The following SHFL variants were observed in gnomAD, a reference collection of about 807,000 sequenced individuals.
SHFL encodes the protein shiftless antiviral inhibitor of ribosomal frameshifting protein.
A neutral mutation model predicts 34.7 loss-of-function variants in SHFL; 12 were observed. The ratio of observed to expected loss-of-function variants is 0.35; its 90% CI spans 0.22 to 0.56. SHFL has a LOEUF of 0.56. SHFL is among the 20% of genes least tolerant of loss of function. The pLI is 0.88. For synonymous variants in SHFL, 148 were observed against 156.0 expected, an observed-to-expected ratio of 0.95 and a Z score of 0.38; for missense variants, 278 against 411.1, an observed-to-expected ratio of 0.68 and a Z score of 2.80.
chr19:10,091,222 T>C lies in SHFL; in HGVS notation c.385-28T>C. On this transcript the variant is annotated intron_variant, in intron 5 of 7. Coordinates refer to ENST00000253110, the MANE Select transcript of SHFL (RefSeq NM_018381.4). This position sits in a 1 kb window ranked among gnomAD's most constrained non-coding sequence, Gnocchi z 8.2. ...ACCTCTGACAATCCTTGGTCCCCTC[T>C]CTGTACCTTCCTGCCCACCACCACC... The C allele has an allele frequency of 6.2e-7, 1 of 1,601,680 alleles. No individual in the cohort carries two copies. The highest frequency in any genetic ancestry group is 8.5e-7 in the Non-Finnish European group (1 of 1,170,544).
At chr19:10,090,635 G>T (rs1599276313) in intron 5 of SHFL, among the ~76,000 whole-genome samples, 2 of 151,876 alleles carry the variant, frequency 1.3e-5, no homozygotes, top group Middle Eastern at 6.8e-3. Flanking sequence ...TGGAGATGGG[G>T]TTTTGCCATG....
At position 10,092,521 on chromosome 19, in the gene SHFL, T is replaced by G; in HGVS notation, c.*219T>G. The G allele has an allele frequency of 6.5e-7, 1 of 1,538,514 alleles. No homozygotes were observed. ...TTGGCACTGAGCCACAAAGAAGGTGTGGCCAGAACAACTTGGGCTCCTGCT... is the reference window on the plus strand; with the variant it reads ...TTGGCACTGAGCCACAAAGAAGGTGGGGCCAGAACAACTTGGGCTCCTGCT... On this transcript the variant is annotated 3_prime_UTR_variant, in exon 8 of 8. Transcript: ENST00000253110.
chr19:10,087,331 G>C (rs1374033205), intron 3 of SHFL, 31 bp downstream of exon 3: 6 of 1,613,614 alleles, frequency 3.7e-6, no homozygotes, highest in African/African-American at 1.3e-5. Context: ...GCAAAGGACC[G>C]GGTCACGGGA....
chr19:10,092,002 A>G, intron 7 of SHFL, 68 bp from the exon 8 acceptor site: 2 of 1,599,826 alleles, frequency 1.3e-6, no homozygotes, highest in Admixed American at 1.8e-5. Context: ...CGCGTGGCCT[A>G]AGTCCCCTCC....
rs1241626185 is a variant in SHFL, at chr19:10,089,526, G to A, written c.196-131G>A. 4.3e-6 allele frequency: 6 copies of A among 1,379,590 alleles called. No individual in the cohort carries two copies. The East Asian group carries it at 1.2e-4, about 28-fold the overall frequency. The allele number at this position is 1,379,590 out of a possible 1,614,324, so 85.5% of individuals were successfully genotyped here. A position where few individuals can be genotyped will look rare whatever the true frequency, so the allele number is the denominator to read the frequency against. ...GCCACACACCTGGCTCTCAATAAGT[G>A]AGTGGTGCTCTGTGAGCTTCTGGCG... is the stretch of plus-strand genomic sequence containing the variant. On this transcript the variant is annotated intron_variant, in intron 3 of 7. Transcript: ENST00000253110.
chr19:10,089,376 G>A, intron 3 of SHFL: 2 of 1,598,684 alleles, frequency 1.3e-6, no homozygotes, highest in Non-Finnish European at 1.7e-6. Flanking sequence ...TTGCAGGCAG[G>A]AAGTGAGTAT....
chr19:10,087,085 G>A (rs907169504), intron 2 of SHFL, 33 bp downstream of exon 2: 4 of 1,601,876 alleles, frequency 2.5e-6, no homozygotes, highest in Non-Finnish European at 3.4e-6. Context: ...CCTGGTGCGG[G>A]GACCGCGCGT....
chr19:10,086,463 C>A lies in SHFL; in HGVS notation c.21+15C>A, dbSNP rs2088285243. ...AAGGTGTGGAGGTAAGCGATGGCTA[C>A]GGCTGGGCCGGGGTCAGCCGCGACA... On this transcript the variant is annotated intron_variant, in intron 1 of 7. Coordinates refer to ENST00000253110, the MANE Select transcript of SHFL (RefSeq NM_018381.4). This position sits in a 1 kb window ranked among gnomAD's most constrained non-coding sequence, Gnocchi z 5.2. The A allele has an allele frequency of 2.2e-6, 3 of 1,372,500 alleles. No individual in the cohort carries two copies. Among genetic ancestry groups the A allele is most frequent in the Non-Finnish European group, 2.8e-6 (3 of 1,056,684 alleles). The allele number at this position is 1,372,500 out of a possible 1,614,324, so 85.0% of individuals were successfully genotyped here. A position where few individuals can be genotyped will look rare whatever the true frequency, so the allele number is the denominator to read the frequency against.
chr19:10,089,156 C>A, intron 3 of SHFL: 1 of 692,492 alleles, frequency 1.4e-6, no homozygotes, highest in Non-Finnish European at 2.5e-6. Flanking sequence ...GCAGGGGCAG[C>A]TGCGATTTGA....
rs1192471027 is a variant in SHFL, at chr19:10,091,570, C to T, written c.583C>T (p.Pro195Ser). ...RILPPRWDRD[P>S]DRRSTHTHSC... ...CCTCCCCCCGCGCTGGGACCGGGAC[C>T]CGGATCGCCGCAGCACCCACACTCA... The change falls in exon 7 of 8, where the codon CCG becomes TCG. Residue 195 changes from proline to serine, a missense_variant. By Grantham distance (74) the Pro-to-Ser change is moderately conservative. Around this residue, in one of 2 missense-constraint regions of SHFL, gnomAD observed 243 missense variants for 386.2 expected, o/e 0.63. Coordinates refer to ENST00000253110, the MANE Select transcript of SHFL (RefSeq NM_018381.4). This position sits in a 1 kb window ranked among gnomAD's most constrained non-coding sequence, Gnocchi z 8.2. The T allele has an allele frequency of 2.6e-6, 4 of 1,551,460 alleles. No individual in the cohort carries two copies. Among genetic ancestry groups the T allele is most frequent in the South Asian group, 2.4e-5 (2 of 84,050 alleles).
chr19:10,089,221 C>T (rs1286991150), intron 3 of SHFL: 1 of 1,330,018 alleles, frequency 7.5e-7, no homozygotes, highest in Admixed American at 2.0e-5. Flanking sequence ...CAGTGGGAAC[C>T]CAGGGGGCAG....
Position 10,091,298 on chromosome 19 carries a change from G to C in SHFL, c.433G>C (p.Asp145His). 2 of 1,613,936 alleles carry C rather than the reference G, an allele frequency of 1.2e-6. No homozygotes were observed. The highest frequency in any genetic ancestry group is 1.7e-6 in the Non-Finnish European group (2 of 1,179,848). The change falls in exon 6 of 8, where the codon GAC becomes CAC. Residue 145 changes from aspartate to histidine, a missense_variant. Physicochemically the swap from Asp to His is moderately conservative, Grantham distance 81 (BLOSUM62 -1). Coordinates refer to ENST00000253110, the MANE Select transcript of SHFL (RefSeq NM_018381.4). This position sits in a 1 kb window ranked among gnomAD's most constrained non-coding sequence, Gnocchi z 8.2. ...CRKRYEPVPA[D>H]KMWGLAEFHC... ...GAAGCGCTACGAGCCAGTGCCAGCT[G>C]ACAAGATGTGGGGCCTGGCTGAGTT...
Position 10,086,806 on chromosome 19 carries a change from G to GC in SHFL, c.22-123_22-122insC, listed in dbSNP as rs1274963026. Reference sequence around the variant, plus strand: ...AATGCCGTAAAGGGATGAAAGGCGGGGGGGGGGCGGCGGAGGCCAAAACCA... The same window carrying GC: ...AATGCCGTAAAGGGATGAAAGGCGGGCGGGGGGGCGGCGGAGGCCAAAACCA... On this transcript the variant is annotated intron_variant, in intron 1 of 7. Transcript: ENST00000253110. This position sits in a 1 kb window ranked among gnomAD's most constrained non-coding sequence, Gnocchi z 5.2. The GC allele has an allele frequency of 1.5e-5, 18 of 1,189,660 alleles. No homozygotes were observed. Among genetic ancestry groups the GC allele is most frequent in the Non-Finnish European group, 2.1e-5 (18 of 850,982 alleles). The allele number at this position is 1,189,660 out of a possible 1,614,324, so 73.7% of individuals were successfully genotyped here.
chr19:10,086,545 C>A lies in SHFL; in HGVS notation c.21+97C>A. 1 of 1,144,842 alleles carries A rather than the reference C, an allele frequency of 8.7e-7. No homozygotes were observed. Among genetic ancestry groups the A allele is most frequent in the Non-Finnish European group, 1.1e-6 (1 of 880,718 alleles). The allele number at this position is 1,144,842 out of a possible 1,614,324, so 70.9% of individuals were successfully genotyped here. ...GGGCTTCGCAGTTCCTGGGGACCCCCATCCTAGAACCCCAGATCCTTACCC... is the reference window on the plus strand; with the variant it reads ...GGGCTTCGCAGTTCCTGGGGACCCCAATCCTAGAACCCCAGATCCTTACCC... On this transcript the variant is annotated intron_variant, in intron 1 of 7. Transcript: ENST00000253110. The surrounding 1 kb of genome is among the most constrained non-coding windows in gnomAD (Gnocchi z 5.2).
At position 10,088,990 on chromosome 19, in the gene SHFL, ATAT is replaced by A. The variant is rs1302459515; in HGVS notation, c.196-664_196-662del. 489 of 153,612 alleles carry A rather than the reference ATAT, an allele frequency of 3.2e-3. 2 individuals carry two copies. Among genetic ancestry groups the A allele is most frequent in the Non-Finnish European group, 4.7e-3 (336 of 70,772 alleles). 9.5% of individuals were successfully genotyped at this position (153,612 alleles called of 1,614,324 possible). A position where few individuals can be genotyped will look rare whatever the true frequency, so the allele number is the denominator to read the frequency against. ...AATAATAATAATAATAATAATAATA[ATAT>A]TAGCAGAGAGTAGCATTCATTGAGT... On this transcript the variant is annotated intron_variant, in intron 3 of 7. Transcript: ENST00000253110.
intron 5 of SHFL, among the ~76,000 whole-genome samples, chr19:10,090,580 C>G (rs1244480009): frequency 6.6e-6 from 1 of 151,376 alleles, no homozygotes; most frequent in East Asian, 2.0e-4. Flanking sequence ...GACTACAGGC[C>G]TGCGCCACCA....
chr19:10,088,523 C>T (rs978797059), intron 3 of SHFL, among the ~76,000 whole-genome samples: 1 of 152,072 alleles, frequency 6.6e-6, no homozygotes, highest in Non-Finnish European at 1.5e-5. Flanking sequence ...GAGCCGAGAT[C>T]GCACCACTGC....
At position 10,091,698 on chromosome 19, in the gene SHFL, C is replaced by A. The variant is rs1568465388; in HGVS notation, c.643+68C>A. 6.8e-7 allele frequency: 1 copy of A among 1,474,270 alleles called. No homozygotes were observed. The highest frequency in any genetic ancestry group is 2.4e-5 in the Admixed American group (1 of 42,200). 91.3% of individuals were successfully genotyped at this position (1,474,270 alleles called of 1,614,324 possible). On this transcript the variant is annotated intron_variant, in intron 7 of 7. Coordinates refer to ENST00000253110, the MANE Select transcript of SHFL (RefSeq NM_018381.4). The surrounding 1 kb of genome is among the most constrained non-coding windows in gnomAD (Gnocchi z 8.2). ...CTTCTGTGCCTTTAAGTCCCCAAAT[C>A]TCCACTCAGTCCACTTTGTCTCCCA...
rs1349063802 is a variant in SHFL, at chr19:10,092,313, GTGC to G, written c.*12_*14del. ...GGGCCCAGGGAGTGACCCCTGCCAG[GTGC>G]AGATACAAACCAGACACGGTCTGTG... On this transcript the variant is annotated 3_prime_UTR_variant, in exon 8 of 8. Coordinates refer to ENST00000253110, the MANE Select transcript of SHFL (RefSeq NM_018381.4). 6.4e-7 allele frequency: 1 copy of G among 1,563,380 alleles called. No homozygotes were observed. The highest frequency in any genetic ancestry group is 8.7e-7 in the Non-Finnish European group (1 of 1,154,514).
Sources: gnomAD v4.1 joint callset for allele counts (sites outside exome capture counted in the v4.1 genomes callset) on GRCh38, gnomAD v4.1.1 for gene constraint, gnomAD v4.1.1 regional missense constraint, Gnocchi (gnomAD v3.1) non-coding constraint, MANE v1.5 for transcripts, NCBI Gene and HGNC (gene_info 2026-07-23, HGNC 2026-07-21) for gene names.